The following SLC8A3 variants were observed in gnomAD, a reference collection of about 807,000 sequenced individuals.
The protein encoded by SLC8A3 is sodium/calcium exchanger 3.
In SLC8A3, 37 loss-of-function variants were observed where a neutral mutation model predicts 65.4. That is an observed-to-expected ratio of 0.57 (90% CI 0.44 to 0.74). The LOEUF (loss-of-function observed/expected upper bound fraction) is 0.74. Among genes scored for constraint, SLC8A3 ranks in the 30% least tolerant of loss-of-function variants. The pLI is 0.00. For synonymous variants in SLC8A3, 461 were observed against 444.5 expected, an observed-to-expected ratio of 1.04 and a Z score of -0.47; for missense variants, 1,112 against 1,172.1, an observed-to-expected ratio of 0.95 and a Z score of 0.75.
intron 2 of SLC8A3, among the ~76,000 whole-genome samples, chr14:70,156,602 C>T (rs940059133): frequency 1.3e-5 from 2 of 152,188 alleles, no homozygotes; most frequent in African/African-American, 4.8e-5. Context: ...GACATGAGCA[C>T]CTGACACAAC....
At chr14:70,121,072 A>T (rs565176947) in intron 2 of SLC8A3, among the ~76,000 whole-genome samples, 12 of 152,242 alleles carry the variant, frequency 7.9e-5, no homozygotes, top group Non-Finnish European at 1.3e-4. Context: ...AATCTGCAAC[A>T]TGACAACAAT....
intron 2 of SLC8A3, among the ~76,000 whole-genome samples, chr14:70,064,189 GCT>G (rs1217103923): frequency 2.0e-5 from 3 of 152,278 alleles, no homozygotes; most frequent in Admixed American, 2.0e-4. Context: ...ACAGCCGAGG[GCT>G]CTGAGTTCTA....
intron 2 of SLC8A3, among the ~76,000 whole-genome samples, chr14:70,093,711 T>G (rs965718806): frequency 6.6e-6 from 1 of 152,220 alleles, no homozygotes; most frequent in African/African-American, 2.4e-5. Context: ...TGATGTCTGC[T>G]TTCTGTCTTT....
chr14:70,126,630 A>T (rs1303565456), intron 2 of SLC8A3, among the ~76,000 whole-genome samples: 1 of 151,488 alleles, frequency 6.6e-6, no homozygotes, highest in Non-Finnish European at 1.5e-5. Context: ...GGGCCCTAAT[A>T]GTAAGACTGT....
intron 2 of SLC8A3, among the ~76,000 whole-genome samples, chr14:70,152,350 C>A (rs372994117): frequency 1.1e-3 from 166 of 152,248 alleles, no homozygotes; most frequent in African/African-American, 3.9e-3. Flanking sequence ...GAAATCTTAA[C>A]CAGAGAAATT....
intron 2 of SLC8A3, among the ~76,000 whole-genome samples, chr14:70,082,167 A>T (rs574742120): frequency 1.6e-4 from 24 of 152,290 alleles, no homozygotes; most frequent in African/African-American, 4.6e-4. Context: ...TGATTCCAAG[A>T]CCCCTGCATA....
chr14:70,180,069 C>T (rs1044578249), intron 1 of SLC8A3, among the ~76,000 whole-genome samples: 2 of 152,140 alleles, frequency 1.3e-5, no homozygotes, highest in African/African-American at 4.8e-5. Context: ...CTGAGGCCGA[C>T]ATCGTTCCTG....
At chr14:70,086,401 C>CTTTTTTTTTTTTTTTTTTTT (rs10605312) in intron 2 of SLC8A3, among the ~76,000 whole-genome samples, 6 of 116,160 alleles carry the variant, frequency 5.2e-5, no homozygotes, top group Non-Finnish European at 7.2e-5. Context: ...TTTCTTTTTT[C>CTTTTTTTTTTTTTTTTTTTT]TTTTTTTTTT....
chr14:70,186,635 A>G (rs1215875551), intron 1 of SLC8A3, among the ~76,000 whole-genome samples: 4 of 152,176 alleles, frequency 2.6e-5, no homozygotes, highest in Admixed American at 1.3e-4. Flanking sequence ...TTTAAAGAAA[A>G]AGGAGGCTAC....
At chr14:70,050,284 T>A (rs1409085729) in intron 5 of SLC8A3, among the ~76,000 whole-genome samples, 1 of 152,204 alleles carries the variant, frequency 6.6e-6, no homozygotes, top group Non-Finnish European at 1.5e-5. Context: ...CAAACCTCTC[T>A]TCCTGGCTGT....
intron 2 of SLC8A3, among the ~76,000 whole-genome samples, chr14:70,092,007 C>T (rs191223512): frequency 6.6e-6 from 1 of 152,164 alleles, no homozygotes; most frequent in Non-Finnish European, 1.5e-5. Context: ...CCTATGCAAC[C>T]CTCACAGACT....
intron 2 of SLC8A3, among the ~76,000 whole-genome samples, chr14:70,142,516 T>C (rs1485704078): frequency 6.6e-6 from 1 of 152,220 alleles, no homozygotes; most frequent in Non-Finnish European, 1.5e-5. Flanking sequence ...TTGGTCCCAC[T>C]AATCTTGACC....
At position 70,184,106 on chromosome 14, in the gene SLC8A3, C is replaced by T. The variant is rs560735509; in HGVS notation, c.-63+4273G>A. 5.3e-5 allele frequency among the ~76,000 whole-genome samples: 8 copies of T among 152,226 alleles called. No individual in the cohort carries two copies. In the South Asian group the frequency reaches 1.7e-3, roughly 32 times the overall value. On this transcript the variant is annotated intron_variant, in intron 1 of 6. Transcript: ENST00000356921. ...CTTGGTAAATTCTTTTTACCTCCCA[C>T]GCGACATTGGCCCCAAATAGTCGCT...
At chr14:70,122,728 A>G (rs923932807) in intron 2 of SLC8A3, among the ~76,000 whole-genome samples, 1 of 152,116 alleles carries the variant, frequency 6.6e-6, no homozygotes, top group Non-Finnish European at 1.5e-5. Context: ...GACCTTCAAA[A>G]TTTTCCTGCT....
chr14:70,162,934 G>T (rs528916716), intron 2 of SLC8A3, among the ~76,000 whole-genome samples: 1 of 152,276 alleles, frequency 6.6e-6, no homozygotes, highest in Non-Finnish European at 1.5e-5. Flanking sequence ...CACACACATT[G>T]CAGGGAGCTC....
chr14:70,100,253 C>T (rs1290707985), intron 2 of SLC8A3, among the ~76,000 whole-genome samples: 1 of 152,196 alleles, frequency 6.6e-6, no homozygotes, highest in Admixed American at 6.5e-5. Flanking sequence ...ATCAGCCACT[C>T]AACTTTGTGT....
At chr14:70,091,087 C>T (rs757823153) in intron 2 of SLC8A3, among the ~76,000 whole-genome samples, 5 of 152,166 alleles carry the variant, frequency 3.3e-5, no homozygotes, top group East Asian at 1.9e-4. Flanking sequence ...ACAGCTGCAA[C>T]GATAATGTGC....
chr14:70,134,225 G>A (rs1350237228), intron 2 of SLC8A3, among the ~76,000 whole-genome samples: 4 of 152,178 alleles, frequency 2.6e-5, no homozygotes, highest in African/African-American at 9.7e-5. Context: ...ATCAGTGGCT[G>A]CTTTTGGGAA....
intron 2 of SLC8A3, among the ~76,000 whole-genome samples, chr14:70,081,531 T>C (rs927601890): frequency 6.6e-6 from 1 of 152,228 alleles, no homozygotes; most frequent in African/African-American, 2.4e-5. Flanking sequence ...CCAACTGCCC[T>C]CTGGGCCTCC....
Sources: gnomAD v4.1 joint callset for allele counts (sites outside exome capture counted in the v4.1 genomes callset) on GRCh38, gnomAD v4.1.1 for gene constraint, MANE v1.5 for transcripts, NCBI Gene and HGNC (gene_info 2026-07-23, HGNC 2026-07-21) for gene names.